The following EDAR variants were observed in gnomAD, a reference collection of about 807,000 sequenced individuals.
EDAR encodes the protein tumor necrosis factor receptor superfamily member EDAR.
In EDAR, 38 loss-of-function variants were observed where a neutral mutation model predicts 51.3. The ratio of observed to expected loss-of-function variants is 0.74; its 90% CI spans 0.57 to 0.97. The LOEUF is 0.97. EDAR is among the 50% of genes least tolerant of loss of function. The pLI, the probability that EDAR is intolerant of heterozygous loss-of-function variation, is 0.00. For synonymous variants in EDAR, 227 were observed against 242.1 expected (o/e 0.94, Z 0.58); for missense variants, 528 against 595.0 (o/e 0.89, Z 1.17).
At chr2:108,978,911 C>G (rs756661399) in intron 1 of EDAR, among the ~76,000 whole-genome samples, 1 of 152,196 alleles carries the variant, frequency 6.6e-6, no homozygotes, top group Non-Finnish European at 1.5e-5. Flanking sequence ...ATAATGTAAA[C>G]TCCAACGAAG....
chr2:108,911,243 G>A (rs1443511938), intron 6 of EDAR, among the ~76,000 whole-genome samples, 171 bp from the exon 7 acceptor site: 1 of 152,058 alleles, frequency 6.6e-6, no homozygotes, highest in African/African-American at 2.4e-5. Flanking sequence ...CGCTGGTTTT[G>A]GCTGCCAGAC....
At position 108,895,343 on chromosome 2, in the gene EDAR, TGTA is replaced by T. The variant is rs1696563443; in HGVS notation, c.*1561_*1563del. On this transcript the variant is annotated 3_prime_UTR_variant, in exon 12 of 12. Coordinates refer to ENST00000258443, the MANE Select transcript of EDAR (RefSeq NM_022336.4). ...TTATAAGTCAGAGACTTTGTTTTAA[TGTA>T]GTAATAAACACAGACCTGCCATCAG... 6.6e-6 allele frequency: 1 copy of T among 152,618 alleles called. No individual in the cohort carries two copies. Among genetic ancestry groups the T allele is most frequent in the South Asian group, 2.1e-4 (1 of 4,830 alleles). 9.5% of individuals were successfully genotyped at this position (152,618 alleles called of 1,614,324 possible). A position where few individuals can be genotyped will look rare whatever the true frequency, so the allele number is the denominator to read the frequency against.
chr2:108,973,624 A>G (rs902078558), intron 1 of EDAR, among the ~76,000 whole-genome samples: 1 of 152,218 alleles, frequency 6.6e-6, no homozygotes, highest in African/African-American at 2.4e-5. Context: ...TGCCTCCGGA[A>G]GAACAGAAGG....
At position 108,930,096 on chromosome 2, in the gene EDAR, G is replaced by C. The variant is rs755966046; in HGVS notation, c.174+24C>G. The C allele has an allele frequency of 1.9e-6, 3 of 1,607,304 alleles. No individual in the cohort carries two copies. In the Admixed American group the frequency reaches 5.0e-5, roughly 27 times the overall value. On this transcript the variant is annotated intron_variant, in intron 3 of 11. Coordinates refer to ENST00000258443, the MANE Select transcript of EDAR (RefSeq NM_022336.4). ...GAGGCCTCCCCTGAGAGCGCACCAGGCTCCAGGAGGGCTGGGTCCTTACCA... is the reference window on the plus strand; with the variant it reads ...GAGGCCTCCCCTGAGAGCGCACCAGCCTCCAGGAGGGCTGGGTCCTTACCA...
intron 5 of EDAR, 109 bp downstream of exon 5, chr2:108,923,257 CTG>C: frequency 9.4e-7 from 1 of 1,064,172 alleles, no homozygotes; most frequent in Non-Finnish European, 1.5e-6. Context: ...AGTGCTGTTA[CTG>C]TGATTCACCT....
intron 6 of EDAR, among the ~76,000 whole-genome samples, chr2:108,912,170 A>G (rs1044410372): frequency 1.3e-5 from 2 of 152,148 alleles, no homozygotes; most frequent in African/African-American, 4.8e-5. Flanking sequence ...GCACTAAACC[A>G]GTGAGAGAGA....
chr2:108,957,607 CGTGGGTTAAGA>C (rs888632767), intron 1 of EDAR, among the ~76,000 whole-genome samples: 75 of 152,224 alleles, frequency 4.9e-4, no homozygotes, highest in African/African-American at 1.7e-3. Context: ...CCTGGATAAA[CGTGGGTTAAGA>C]GTAGGTGCCT....
intron 1 of EDAR, among the ~76,000 whole-genome samples, chr2:108,971,628 A>G (rs1468215311): frequency 6.6e-6 from 1 of 152,186 alleles, no homozygotes; most frequent in African/African-American, 2.4e-5. Flanking sequence ...TAGAGATAGG[A>G]TCAGCTCTCT....
chr2:108,954,693 T>C (rs1446751921), intron 1 of EDAR, among the ~76,000 whole-genome samples: 2 of 149,930 alleles, frequency 1.3e-5, no homozygotes, highest in Non-Finnish European at 3.0e-5. Context: ...TTTTTTTTTC[T>C]GAGACAGAGT....
intron 1 of EDAR, among the ~76,000 whole-genome samples, chr2:108,961,016 G>T (rs1403686568): frequency 6.6e-6 from 1 of 152,176 alleles, no homozygotes; most frequent in Non-Finnish European, 1.5e-5. Flanking sequence ...TTACAATAGA[G>T]TCCCAGTGGT....
intron 1 of EDAR, among the ~76,000 whole-genome samples, chr2:108,976,398 A>G (rs1469742559): frequency 1.3e-5 from 2 of 152,232 alleles, no homozygotes; most frequent in Non-Finnish European, 2.9e-5. Context: ...TGCTACCAGC[A>G]TGGCTCAGGA....
chr2:108,899,669 C>G (rs147735212), intron 11 of EDAR, among the ~76,000 whole-genome samples: 1 of 152,118 alleles, frequency 6.6e-6, no homozygotes, highest in African/African-American at 2.4e-5. Context: ...GGTTTTTATA[C>G]TTCATTCAAA....
intron 3 of EDAR, 35 bp from the exon 4 acceptor site, chr2:108,929,414 G>T: frequency 6.2e-7 from 1 of 1,609,250 alleles, no homozygotes; most frequent in Non-Finnish European, 8.5e-7. Flanking sequence ...ACACAGGTGA[G>T]TGCAGCAGCC....
In EDAR at chr2:108,942,079, G is replaced by A. The variant is rs576757599; in HGVS notation, c.-18-11047C>T. ...TCTTCCGGAACCTGTGTTTGGAAGTGGACCTGCAGGTGTGTGTGCTGGGGG... is the reference window on the plus strand; with the variant it reads ...TCTTCCGGAACCTGTGTTTGGAAGTAGACCTGCAGGTGTGTGTGCTGGGGG... On this transcript the variant is annotated intron_variant, in intron 1 of 11. Transcript: ENST00000258443. Among the ~76,000 whole-genome samples, 4 of 152,344 alleles carry A rather than the reference G, an allele frequency of 2.6e-5. No homozygotes were observed. In the South Asian group the frequency reaches 8.3e-4, roughly 32 times the overall value.
At chr2:108,967,044 T>G (rs1181783923) in intron 1 of EDAR, among the ~76,000 whole-genome samples, 1 of 152,152 alleles carries the variant, frequency 6.6e-6, no homozygotes, top group Non-Finnish European at 1.5e-5. Context: ...AAGCAATTCT[T>G]CTGCCTCAGC....
intron 1 of EDAR, among the ~76,000 whole-genome samples, chr2:108,934,086 C>G (rs1697422373): frequency 6.6e-6 from 1 of 152,188 alleles, no homozygotes; most frequent in Admixed American, 6.5e-5. Flanking sequence ...ACCTTAGTGT[C>G]AACCAGGAGC....
intron 5 of EDAR, among the ~76,000 whole-genome samples, chr2:108,916,774 A>G (rs1006216805): frequency 1.3e-5 from 2 of 152,304 alleles, no homozygotes; most frequent in South Asian, 4.1e-4. Context: ...CTCTCGTGTC[A>G]GGACTGAAGC....
chr2:108,972,573 T>G (rs576193319), intron 1 of EDAR, among the ~76,000 whole-genome samples: 11 of 152,370 alleles, frequency 7.2e-5, no homozygotes, highest in Non-Finnish European at 8.8e-5. Flanking sequence ...GTTCAGAAGC[T>G]GGTGCCTTGC....
At chr2:108,915,661 A>T (rs1574375864) in intron 5 of EDAR, among the ~76,000 whole-genome samples, 1 of 152,292 alleles carries the variant, frequency 6.6e-6, no homozygotes, top group East Asian at 1.9e-4. Flanking sequence ...GCACTTTGGG[A>T]GGCCGAGGCG....
Sources: gnomAD v4.1 joint callset for allele counts (sites outside exome capture counted in the v4.1 genomes callset) on GRCh38, gnomAD v4.1.1 for gene constraint, MANE v1.5 for transcripts, NCBI Gene and HGNC (gene_info 2026-07-23, HGNC 2026-07-21) for gene names.